The following ZNF529 variants were observed in gnomAD, a reference collection of about 807,000 sequenced individuals.
ZNF529 encodes the protein zinc finger protein 529.
A neutral mutation model predicts 10.1 loss-of-function variants in ZNF529; 11 were observed. The observed-to-expected ratio is 1.09, with a 90% CI of 0.69 to 1.81. The LOEUF is 1.81. Ranked by LOEUF, ZNF529 falls within the 40% of genes most tolerant of loss-of-function variation. The pLI is 0.00. For synonymous variants in ZNF529, 204 were observed against 215.7 expected, an observed-to-expected ratio of 0.95 and a Z score of 0.47; for missense variants, 624 against 666.8, an observed-to-expected ratio of 0.94 and a Z score of 0.71.
chr19:36,583,056 ATTGT>A (rs71171458), intron 2 of ZNF529, among the ~76,000 whole-genome samples: 53,754 of 151,202 alleles, frequency 0.36, 9,676 homozygotes, highest in South Asian at 0.42. Context: ...TCTGTATCTA[ATTGT>A]TTGTTTGTTT....
At chr19:36,573,882 G>C (rs1156805409), upstream of ZNF529, among the ~76,000 whole-genome samples, 2 of 152,188 alleles carry the variant, frequency 1.3e-5, no homozygotes, top group African/African-American at 4.8e-5. Flanking sequence ...AAGTGTGGGG[G>C]CCTCAGGATG....
At chr19:36,601,942 TC>T (rs2036929311) in intron 1 of ZNF529, among the ~76,000 whole-genome samples, 1 of 152,098 alleles carries the variant, frequency 6.6e-6, no homozygotes, top group African/African-American at 2.4e-5. Flanking sequence ...CCTTTGTTTT[TC>T]CTTTTTTTAG....
At chr19:36,572,224 G>A in intron 2 of ZNF529, 109 bp downstream of exon 2, 11 of 1,113,416 alleles carry the variant, frequency 9.9e-6, no homozygotes, top group Middle Eastern at 2.0e-4. Context: ...AAGGGAAATG[G>A]GCATTTGGAA....
intron 2 of ZNF529, among the ~76,000 whole-genome samples, chr19:36,566,687 C>CA (rs1424925547): frequency 1.3e-5 from 2 of 151,554 alleles, no homozygotes; most frequent in Non-Finnish European, 2.9e-5. Context: ...CACTGAACTC[C>CA]AGCCTGGGTG....
At chr19:36,593,276 G>T (rs2036767922) in intron 1 of ZNF529, among the ~76,000 whole-genome samples, 1 of 152,128 alleles carries the variant, frequency 6.6e-6, no homozygotes, top group Admixed American at 6.6e-5. Flanking sequence ...CCCCAGCTCA[G>T]GTGATTCTCC....
chr19:36,591,873 A>G (rs907346012), intron 1 of ZNF529, among the ~76,000 whole-genome samples: 1 of 152,196 alleles, frequency 6.6e-6, no homozygotes, highest in Non-Finnish European at 1.5e-5. Context: ...AGGAGAGGAC[A>G]GTTCATTTTT....
chr19:36,549,234 C>A (rs1471306613), intron 4 of ZNF529, among the ~76,000 whole-genome samples: 1 of 151,952 alleles, frequency 6.6e-6, no homozygotes, highest in African/African-American at 2.4e-5. Context: ...TAGTGCCTTA[C>A]CCTCATATAT....
intron 2 of ZNF529, among the ~76,000 whole-genome samples, chr19:36,567,241 G>T (rs1240414542): frequency 6.6e-6 from 1 of 152,150 alleles, no homozygotes; most frequent in Non-Finnish European, 1.5e-5. Flanking sequence ...TAATGAAATA[G>T]AGGAAAGAAC....
At chr19:36,574,167 A>G (rs2145216669), upstream of ZNF529, among the ~76,000 whole-genome samples, 1 of 152,240 alleles carries the variant, frequency 6.6e-6, no homozygotes. Context: ...GTGGTTTTAT[A>G]CCTTTTAGGG....
chr19:36,578,538 C>T (rs1053298259), intron 2 of ZNF529, among the ~76,000 whole-genome samples: 4 of 151,126 alleles, frequency 2.6e-5, no homozygotes, highest in Admixed American at 6.6e-5. Flanking sequence ...ATCTCCTGAC[C>T]TTGTGATCCC....
chr19:36,564,325 T>A (rs2035817845), intron 2 of ZNF529, among the ~76,000 whole-genome samples: 1 of 152,136 alleles, frequency 6.6e-6, no homozygotes, highest in South Asian at 2.1e-4. Flanking sequence ...ACCTACAGAA[T>A]GGGAGAAAAT....
At chr19:36,558,015 C>A (rs2035546214) in intron 2 of ZNF529, among the ~76,000 whole-genome samples, 1 of 151,992 alleles carries the variant, frequency 6.6e-6, no homozygotes, top group Non-Finnish European at 1.5e-5. Flanking sequence ...TATGGAAATT[C>A]TTAAGTTACA....
At chr19:36,596,670 C>T (rs1255669529) in intron 1 of ZNF529, among the ~76,000 whole-genome samples, 1 of 151,840 alleles carries the variant, frequency 6.6e-6, no homozygotes, top group East Asian at 1.9e-4. Context: ...GTGTGTGTCA[C>T]CACACCCAGG....
intron 2 of ZNF529, among the ~76,000 whole-genome samples, chr19:36,578,904 A>G (rs977555928): frequency 2.0e-5 from 3 of 150,404 alleles, no homozygotes; most frequent in Admixed American, 6.6e-5. Context: ...GGCCACATGT[A>G]GTATTAAATT....
At position 36,547,483 on chromosome 19, in the gene ZNF529, T is replaced by A; in HGVS notation, c.1075A>T (p.Ile359Phe). 1 of 1,613,450 alleles carries A rather than the reference T, an allele frequency of 6.2e-7. No homozygotes were observed. Among genetic ancestry groups the A allele is most frequent in the Non-Finnish European group, 8.5e-7 (1 of 1,179,420 alleles). Residue 359 changes from isoleucine (I) to phenylalanine (F), a missense_variant, in exon 5 of 5, where the codon ATT (isoleucine) becomes TTT (phenylalanine). By Grantham distance (21) the Ile-to-Phe change is conservative. Transcript: ENST00000591340. ...GCATAAGGTTTCTCACCAGTGTGAA[T>A]TCTCTGATGTTCAATGAGCTGTGAA... is the stretch of plus-strand genomic sequence containing the variant. The part of the protein sequence containing the change: ...ISSQLIEHQR[I>F]HTGEKPYACK...
In ZNF529 at chr19:36,547,209, T is replaced by G; in HGVS notation, c.1349A>C (p.Tyr450Ser). 6.2e-7 allele frequency: 1 copy of G among 1,613,816 alleles called. No homozygotes were observed. Among genetic ancestry groups the G allele is most frequent in the Non-Finnish European group, 8.5e-7 (1 of 1,179,810 alleles). ...HERIHSGQKP[Y>S]ECKECGKFFR... ...GAACTTTCCACACTCCTTACATTCATAAGGTTTTTGACCACTGTGAATTCT... is the reference window on the plus strand; with the variant it reads ...GAACTTTCCACACTCCTTACATTCAGAAGGTTTTTGACCACTGTGAATTCT... The change falls in exon 5 of 5, where the codon TAT becomes TCT. Residue 450 changes from tyrosine to serine, a missense_variant. Tyr to Ser is a moderately radical substitution (Grantham distance 144). Transcript: ENST00000591340.
intron 1 of ZNF529, among the ~76,000 whole-genome samples, chr19:36,596,878 T>G (rs3096627): frequency 3.9e-5 from 6 of 151,996 alleles, no homozygotes; most frequent in Non-Finnish European, 8.8e-5. Context: ...TAAAAGCATA[T>G]GGTTGATTTT....
At chr19:36,577,101 C>G (rs533329371), upstream of ZNF529, 392 of 434,054 alleles carry the variant, frequency 9.0e-4, 2 homozygotes, top group South Asian at 1.2e-3. Context: ...CACAGGCACC[C>G]ACTACTATAC....
At chr19:36,572,694 C>T (rs963477441) in intron 1 of ZNF529, among the ~76,000 whole-genome samples, 1 of 151,386 alleles carries the variant, frequency 6.6e-6, no homozygotes, top group Non-Finnish European at 1.5e-5. Context: ...TTCACGTCTT[C>T]CCAGGAAACT....
Sources: gnomAD v4.1 joint callset for allele counts (sites outside exome capture counted in the v4.1 genomes callset) on GRCh38, gnomAD v4.1.1 for gene constraint, MANE v1.5 for transcripts, NCBI Gene and HGNC (gene_info 2026-07-23, HGNC 2026-07-21) for gene names.